PDGFRL: variants seen among roughly 807,000 people sequenced by gnomAD.
PDGFRL encodes platelet derived growth factor receptor like.
Under a neutral mutation model 37.2 loss-of-function variants are expected in PDGFRL, and 46 were observed. That is an observed-to-expected ratio of 1.24 (90% confidence interval 0.98 to 1.58). The LOEUF is 1.58. Ranked by LOEUF, PDGFRL falls within the 40% of genes most tolerant of loss-of-function variation. PDGFRL has a pLI of 0.00. For missense variants in PDGFRL, 692 were observed against 467.6 expected, an observed-to-expected ratio of 1.48 and a Z score of -4.43; for synonymous variants, 251 against 184.3, an observed-to-expected ratio of 1.36 and a Z score of -2.93.
chr8:17,630,097 G>C (rs1804831158), intron 4 of PDGFRL, among the ~76,000 whole-genome samples: 1 of 152,208 alleles, frequency 6.6e-6, no homozygotes, highest in Non-Finnish European at 1.5e-5. Context: ...TGGGAGGGTA[G>C]AGGGCATGGC....
intron 2 of PDGFRL, among the ~76,000 whole-genome samples, chr8:17,620,656 A>T (rs780383725): frequency 6.6e-6 from 1 of 152,184 alleles, no homozygotes; most frequent in African/African-American, 2.4e-5. Flanking sequence ...TATGTATTTG[A>T]TCACTGCATA....
intron 1 of PDGFRL, among the ~76,000 whole-genome samples, chr8:17,579,556 G>GTTGTTATTA (rs375642245): frequency 8.4e-6 from 1 of 119,542 alleles, no homozygotes; most frequent in South Asian, 2.7e-4. Flanking sequence ...TATTATTATT[G>GTTGTTATTA]TTATTATTAT....
At chr8:17,632,871 C>G (rs1328504668) in intron 4 of PDGFRL, among the ~76,000 whole-genome samples, 3 of 152,190 alleles carry the variant, frequency 2.0e-5, no homozygotes, top group East Asian at 3.9e-4. Context: ...TTCTCCTGTT[C>G]CTGTCTCTGA....
chr8:17,590,253 A>AAAAAAAAAAG (rs1356419901), intron 2 of PDGFRL, among the ~76,000 whole-genome samples: 2 of 144,542 alleles, frequency 1.4e-5, no homozygotes, highest in African/African-American at 2.6e-5. Flanking sequence ...AAAAAAAAAA[A>AAAAAAAAAAG]AAATTGCAAA....
chr8:17,635,250 A>G (rs1156468191), intron 5 of PDGFRL, among the ~76,000 whole-genome samples: 1 of 152,130 alleles, frequency 6.6e-6, no homozygotes, highest in Non-Finnish European at 1.5e-5. Flanking sequence ...AGCAGTGTAC[A>G]CTATACCCAA....
intron 3 of PDGFRL, among the ~76,000 whole-genome samples, chr8:17,622,031 G>T (rs1804646479): frequency 6.6e-6 from 1 of 152,130 alleles, no homozygotes; most frequent in Non-Finnish European, 1.5e-5. Context: ...CCCAAAGATT[G>T]TGGCTGTTGT....
chr8:17,601,026 TG>T (rs932602163), intron 2 of PDGFRL, among the ~76,000 whole-genome samples: 1 of 152,150 alleles, frequency 6.6e-6, no homozygotes, highest in African/African-American at 2.4e-5. Flanking sequence ...TCTCCACACC[TG>T]GTCATCCTCC....
At chr8:17,590,888 A>ATTTTTT (rs71729974) in intron 2 of PDGFRL, among the ~76,000 whole-genome samples, 29,707 of 142,992 alleles carry the variant, frequency 0.21, 3,989 homozygotes, top group South Asian at 0.25. Context: ...ATTATTATTA[A>ATTTTTT]TTTTTTTTTT....
chr8:17,600,201 G>T (rs562653394), intron 2 of PDGFRL, among the ~76,000 whole-genome samples: 1 of 152,054 alleles, frequency 6.6e-6, no homozygotes, highest in Non-Finnish European at 1.5e-5. Context: ...AGGTCAACAA[G>T]GGCACTAAAT....
rs1554550312 is a variant in PDGFRL at position 17,596,107 on chromosome 8, T to TTACCCTTGCTGGA, written c.353+6354_353+6355insATACCCTTGCTGG. On this transcript the variant is annotated intron_variant, in intron 2 of 5. Transcript: ENST00000251630. ...AGCAACCAGCCAGGAAGCCCCAGAG[T>TTACCCTTGCTGGA]TACCCTTGCTGGGTACCCTTGCTGG... Among the ~76,000 whole-genome samples, 106 of 151,882 alleles carry TTACCCTTGCTGGA rather than the reference T, an allele frequency of 7.0e-4. 1 individual carries two copies. The highest frequency in any genetic ancestry group is 2.3e-3 in the African/African-American group (97 of 41,292).
chr8:17,642,647 G>A lies in PDGFRL; in HGVS notation c.974G>A (p.Arg325Lys). 1 of 1,611,280 alleles carries A rather than the reference G, an allele frequency of 6.2e-7. No individual in the cohort carries two copies. The highest frequency in any genetic ancestry group is 8.5e-7 in the Non-Finnish European group (1 of 1,177,350). The change falls in exon 6 of 6, where the codon AGG becomes AAG. Residue 325 changes from arginine to lysine, a missense_variant. Coordinates refer to ENST00000251630, the MANE Select transcript of PDGFRL (RefSeq NM_001372073.1). ...CCTGTGACGATCCAAGACACTTGGA[G>A]GTTGATCCACAGAGGACTGGGACAC... ...ERPVTIQDTW[R>K]LIHRGLGHTT...
At chr8:17,595,714 T>C (rs1379530229) in intron 2 of PDGFRL, among the ~76,000 whole-genome samples, 13 of 152,090 alleles carry the variant, frequency 8.5e-5, no homozygotes, top group Admixed American at 8.5e-4. Flanking sequence ...AGCCCTGTGG[T>C]GGGGCGGGGG....
intron 2 of PDGFRL, among the ~76,000 whole-genome samples, chr8:17,609,110 G>C (rs2720472): frequency 6.6e-6 from 1 of 152,174 alleles, no homozygotes; most frequent in African/African-American, 2.4e-5. Flanking sequence ...GGTCCTGGCT[G>C]CTTGGGAGGC....
In PDGFRL at chr8:17,605,837, G is replaced by A. The variant is rs370291033; in HGVS notation, c.354-15214G>A. ...AAAAACTGGGAGTTGGGAGGAGTGC[G>A]TGGGGCACAGGAGATCTCTTTGATG... is the stretch of plus-strand genomic sequence containing the variant. On this transcript the variant is annotated intron_variant, in intron 2 of 5. Transcript: ENST00000251630. Among the ~76,000 whole-genome samples the A allele has an allele frequency of 2.8e-4, 43 of 152,332 alleles. 1 individual carries two copies. The East Asian group carries it at 3.1e-3, about 11-fold the overall frequency.
intron 2 of PDGFRL, among the ~76,000 whole-genome samples, chr8:17,617,015 C>T (rs752547744): frequency 9.9e-5 from 15 of 152,178 alleles, no homozygotes; most frequent in Non-Finnish European, 1.9e-4. Context: ...ACTTAGGCCA[C>T]CCCCAGGAGA....
intron 2 of PDGFRL, among the ~76,000 whole-genome samples, chr8:17,597,005 C>T (rs1301074814): frequency 6.6e-6 from 1 of 151,130 alleles, no homozygotes; most frequent in African/African-American, 2.5e-5. Flanking sequence ...TCCAACAAAG[C>T]CTTGTAGTTT....
At chr8:17,629,514 T>A (rs1454298150) in intron 4 of PDGFRL, among the ~76,000 whole-genome samples, 2 of 152,188 alleles carry the variant, frequency 1.3e-5, no homozygotes, top group African/African-American at 2.4e-5. Context: ...CATTGCCACC[T>A]GCCAACCCTC....
At chr8:17,634,406 ATTTCT>A (rs1482664920) in intron 5 of PDGFRL, among the ~76,000 whole-genome samples, 193 bp downstream of exon 5, 1 of 151,658 alleles carries the variant, frequency 6.6e-6, no homozygotes, top group African/African-American at 2.4e-5. Flanking sequence ...TTAAAAATGA[ATTTCT>A]TTTAAGGACA....
intron 2 of PDGFRL, among the ~76,000 whole-genome samples, chr8:17,602,724 G>C (rs370758873): frequency 6.6e-6 from 1 of 151,994 alleles, no homozygotes; most frequent in African/African-American, 2.4e-5. Flanking sequence ...GATGCTCTTG[G>C]AGTTCTGGTC....
Sources: gnomAD v4.1 joint callset for allele counts (sites outside exome capture counted in the v4.1 genomes callset) on GRCh38, gnomAD v4.1.1 for gene constraint, MANE v1.5 for transcripts, NCBI Gene and HGNC (gene_info 2026-07-23, HGNC 2026-07-21) for gene names.